Variants in MRPS5 observed in about 807,000 individuals in gnomAD.
MRPS5 encodes small ribosomal subunit protein uS5m.
Under a neutral mutation model 51.9 loss-of-function variants are expected in MRPS5, and 27 were observed. The ratio of observed to expected loss-of-function variants is 0.52; its 90% CI spans 0.38 to 0.72. MRPS5 has a LOEUF of 0.72. MRPS5 is among the 30% of genes least tolerant of loss of function. The probability of loss-of-function intolerance (pLI) is 0.00; values close to 1 mark genes in which losing one functional copy is unlikely to be tolerated. For synonymous variants in MRPS5, 196 were observed against 193.2 expected (o/e 1.01, Z -0.12); for missense variants, 570 against 545.7 (o/e 1.04, Z -0.44).
chr2:95,097,690 A>C (rs1468730366), intron 10 of MRPS5, among the ~76,000 whole-genome samples: 2 of 152,232 alleles, frequency 1.3e-5, no homozygotes, highest in South Asian at 2.1e-4. Flanking sequence ...CTTATACAAA[A>C]ATTAATTCAA....
intron 1 of MRPS5, among the ~76,000 whole-genome samples, chr2:95,120,182 A>C (rs1337596696): frequency 2.0e-5 from 3 of 152,252 alleles, no homozygotes; most frequent in Non-Finnish European, 4.4e-5. Context: ...AATAGGCCTA[A>C]GAGCCAAAAG....
At chr2:95,119,935 C>T (rs1367548861) in intron 1 of MRPS5, among the ~76,000 whole-genome samples, 1 of 152,126 alleles carries the variant, frequency 6.6e-6, no homozygotes, top group Non-Finnish European at 1.5e-5. Flanking sequence ...TGGTGGCATG[C>T]ACCTGTAATC....
chr2:95,090,582 C>A, intron 10 of MRPS5, 60 bp from the exon 11 acceptor site: 2 of 1,605,258 alleles, frequency 1.2e-6, no homozygotes, highest in South Asian at 2.2e-5. Context: ...AGGAGTCACC[C>A]TGCTGGCTTT....
At chr2:95,094,298 C>T (rs1387019428) in intron 10 of MRPS5, among the ~76,000 whole-genome samples, 2 of 152,102 alleles carry the variant, frequency 1.3e-5, no homozygotes, top group East Asian at 3.9e-4. Flanking sequence ...GAACCAAGTT[C>T]GAAAACACTC....
chr2:95,118,950 A>G (rs1161844458), intron 1 of MRPS5, among the ~76,000 whole-genome samples: 1 of 152,226 alleles, frequency 6.6e-6, no homozygotes, highest in African/African-American at 2.4e-5. Context: ...ATGGCTTCTT[A>G]GATGAGACAC....
In MRPS5 at chr2:95,085,771, CCAGAGCTTCATAA is replaced by C. The variant is rs1224658526; in HGVS notation, c.*1573_*1585del. On this transcript the variant is annotated 3_prime_UTR_variant, in exon 12 of 12. Coordinates refer to ENST00000272418, the MANE Select transcript of MRPS5 (RefSeq NM_031902.5). ...GCATGCTGAGAGATTTAAATAACTC[CCAGAGCTTCATAA>C]CAGTGAAGATGACCAGGATACAGCC... Among the ~76,000 whole-genome samples, 1 of 152,104 alleles carries C rather than the reference CCAGAGCTTCATAA, an allele frequency of 6.6e-6. No individual in the cohort carries two copies. The highest frequency in any genetic ancestry group is 2.4e-5 in the African/African-American group (1 of 41,394).
chr2:95,121,687 A>G (rs1257389577), intron 1 of MRPS5, 47 bp downstream of exon 1: 3 of 1,514,800 alleles, frequency 2.0e-6, no homozygotes, highest in Middle Eastern at 2.3e-4. Context: ...CGAGCCCCCC[A>G]CTCCCGGCCC....
Position 95,115,081 on chromosome 2 carries a change from T to C in MRPS5, c.262A>G (p.Ser88Gly). ...HLMSQQYRPYSFFTKLTADEL... is the reference protein window; with the variant it reads ...HLMSQQYRPYGFFTKLTADEL... ...TTCTACATACATTTAGTGAAGAAAC[T>C]ATATGGTCTATACTGCTGGCTCATC... The change falls in exon 3 of 12, where the codon AGT becomes GGT. Residue 88 changes from serine to glycine, a missense_variant. Ser to Gly is a moderately conservative substitution (Grantham distance 56). Coordinates refer to ENST00000272418, the MANE Select transcript of MRPS5 (RefSeq NM_031902.5). 7 of 1,575,002 alleles carry C rather than the reference T, an allele frequency of 4.4e-6. No individual in the cohort carries two copies. The highest frequency in any genetic ancestry group is 5.1e-6 in the Non-Finnish European group (6 of 1,166,164).
intron 2 of MRPS5, among the ~76,000 whole-genome samples, chr2:95,117,570 C>T (rs1242965770): frequency 2.0e-5 from 3 of 148,770 alleles, no homozygotes; most frequent in Non-Finnish European, 4.5e-5. Flanking sequence ...TCTTCATTGT[C>T]CCTGCTCTAA....
intron 3 of MRPS5, among the ~76,000 whole-genome samples, chr2:95,111,755 T>C (rs1009725037): frequency 4.6e-5 from 7 of 152,222 alleles, no homozygotes; most frequent in East Asian, 1.9e-4. Context: ...CATGCATACA[T>C]AGTATATATT....
chr2:95,090,108 C>T (rs1282831470), intron 11 of MRPS5, among the ~76,000 whole-genome samples: 40 of 128,626 alleles, frequency 3.1e-4, no homozygotes, highest in African/African-American at 6.5e-4. Context: ...ACCCGGGAGG[C>T]GGAGCTTGCA....
At chr2:95,113,164 G>A (rs1278911488) in intron 3 of MRPS5, among the ~76,000 whole-genome samples, 1 of 151,844 alleles carries the variant, frequency 6.6e-6, no homozygotes, top group African/African-American at 2.4e-5. Flanking sequence ...TTTTAGAACA[G>A]GGAAAAGGCT....
intron 6 of MRPS5, among the ~76,000 whole-genome samples, chr2:95,105,930 C>T (rs556147174): frequency 2.7e-4 from 41 of 152,210 alleles, no homozygotes; most frequent in African/African-American, 9.4e-4. Flanking sequence ...GAGAATGCTC[C>T]GCAAAGTGAC....
In MRPS5 at chr2:95,115,295, G is replaced by C. The variant is rs944374066; in HGVS notation, c.140-92C>G. 30 of 1,207,598 alleles carry C rather than the reference G, an allele frequency of 2.5e-5. No individual in the cohort carries two copies. In the Admixed American group the frequency reaches 8.8e-4, roughly 35 times the overall value. The allele number at this position is 1,207,598 out of a possible 1,614,324, so 74.8% of individuals were successfully genotyped here. ...AAATAATCATTACTAACAAAAATAA[G>C]TCACTAAAATCCTGAACTTTTAAGA... On this transcript the variant is annotated intron_variant, in intron 2 of 11. Coordinates refer to ENST00000272418, the MANE Select transcript of MRPS5 (RefSeq NM_031902.5).
intron 2 of MRPS5, among the ~76,000 whole-genome samples, chr2:95,116,055 G>A (rs1388099626): frequency 3.3e-5 from 5 of 151,612 alleles, no homozygotes; most frequent in African/African-American, 4.8e-5. Context: ...ACAGGCATGC[G>A]CCACCACACC....
intron 2 of MRPS5, among the ~76,000 whole-genome samples, chr2:95,115,540 G>C (rs1176938909): frequency 6.6e-6 from 1 of 152,194 alleles, no homozygotes; most frequent in Admixed American, 6.5e-5. Flanking sequence ...TAAACAGCCA[G>C]CAACGTATTG....
chr2:95,112,888 C>T (rs906664905), intron 3 of MRPS5, among the ~76,000 whole-genome samples: 1 of 151,904 alleles, frequency 6.6e-6, no homozygotes, highest in Non-Finnish European at 1.5e-5. Context: ...GCCTGTAGTC[C>T]CAGCTACTTG....
At chr2:95,116,035 A>C (rs951716036) in intron 2 of MRPS5, among the ~76,000 whole-genome samples, 40 of 151,454 alleles carry the variant, frequency 2.6e-4, no homozygotes, top group African/African-American at 9.7e-4. Flanking sequence ...CCTCCCAAGT[A>C]GCTGGGATTA....
Position 95,087,284 on chromosome 2 carries a change from CCCAAGCTGTGAGGGGCTGAGT to C in MRPS5, c.*52_*72del. 8.5e-7 allele frequency: 1 copy of C among 1,181,782 alleles called. No individual in the cohort carries two copies. The highest frequency in any genetic ancestry group is 1.4e-5 in the South Asian group (1 of 73,642). 73.2% of individuals were successfully genotyped at this position (1,181,782 alleles called of 1,614,324 possible). ...AAACAAACAAAAGGCAAGGTAACAT[CCCAAGCTGTGAGGGGCTGAGT>C]CTCTCCTAGGTGCAGGGCAGCACAG... On this transcript the variant is annotated 3_prime_UTR_variant, in exon 12 of 12. Coordinates refer to ENST00000272418, the MANE Select transcript of MRPS5 (RefSeq NM_031902.5).
Sources: allele counts gnomAD v4.1 joint callset (sites outside exome capture counted in the v4.1 genomes callset), GRCh38; gene constraint gnomAD v4.1.1; transcripts MANE v1.5; gene names NCBI Gene and HGNC (gene_info 2026-07-23, HGNC 2026-07-21).